The following RGS3 variants were observed in gnomAD, a reference collection of about 807,000 sequenced individuals.
RGS3 encodes regulator of G protein signaling 3, also known as regulator of G-protein signalling 3.
Under a neutral mutation model 132.6 loss-of-function variants are expected in RGS3, and 80 were observed. That is an observed-to-expected ratio of 0.60 (90% confidence interval 0.50 to 0.73). The LOEUF (loss-of-function observed/expected upper bound fraction) is 0.73, where lower values mean the gene tolerates loss of function less well. Among genes scored for constraint, RGS3 ranks in the 30% least tolerant of loss-of-function variants. The pLI is 0.00. For synonymous variants in RGS3, 598 were observed against 620.6 expected (o/e 0.96, Z 0.54); for missense variants, 1,382 against 1,530.8 (o/e 0.90, Z 1.62).
chr9:113,493,341 T>A (rs975415848), intron 7 of RGS3, among the ~76,000 whole-genome samples: 1 of 152,146 alleles, frequency 6.6e-6, no homozygotes, highest in Admixed American at 6.5e-5. Flanking sequence ...TAATAGAGCC[T>A]TGGATGATGA....
chr9:113,589,687 G>A (rs73538886), intron 20 of RGS3, among the ~76,000 whole-genome samples: 8,095 of 152,290 alleles, frequency 0.053, 719 homozygotes, highest in African/African-American at 0.19. Flanking sequence ...AGTGCAGCCT[G>A]TATGTGCACT....
At chr9:113,472,068 A>G (rs1455091281) in intron 3 of RGS3, among the ~76,000 whole-genome samples, 3 of 152,192 alleles carry the variant, frequency 2.0e-5, no homozygotes, top group Non-Finnish European at 4.4e-5. Context: ...CAAAACCACA[A>G]TGAGATACTA....
At chr9:113,486,316 C>T (rs1484896258) in intron 7 of RGS3, among the ~76,000 whole-genome samples, 1 of 152,198 alleles carries the variant, frequency 6.6e-6, no homozygotes, top group Non-Finnish European at 1.5e-5. Context: ...AATGGCATTC[C>T]AGGCAGGGCA....
intron 19 of RGS3, among the ~76,000 whole-genome samples, chr9:113,542,395 T>A (rs1285697714): frequency 6.6e-6 from 1 of 152,014 alleles, no homozygotes; most frequent in Admixed American, 6.6e-5. Context: ...GGAAGGGAGT[T>A]GCAAGTACAT....
chr9:113,569,709 G>T (rs940406646), intron 19 of RGS3, among the ~76,000 whole-genome samples: 1 of 149,614 alleles, frequency 6.7e-6, no homozygotes, highest in Non-Finnish European at 1.5e-5. Context: ...TAGTGGCATA[G>T]ATCTAAAAGG....
At chr9:113,453,751 A>G (rs1031759907) in intron 1 of RGS3, among the ~76,000 whole-genome samples, 2 of 139,386 alleles carry the variant, frequency 1.4e-5, no homozygotes, top group African/African-American at 2.6e-5. Flanking sequence ...TGATTATATA[A>G]TATACTCATT....
chr9:113,558,739 T>G (rs1357442595), intron 19 of RGS3, among the ~76,000 whole-genome samples: 1 of 152,242 alleles, frequency 6.6e-6, no homozygotes. Context: ...TGATTTATTA[T>G]GCAGGCTTGA....
chr9:113,535,346 T>C (rs1193203179), intron 18 of RGS3, among the ~76,000 whole-genome samples: 1 of 152,110 alleles, frequency 6.6e-6, no homozygotes, highest in Non-Finnish European at 1.5e-5. Context: ...CTAATTTTTG[T>C]ATTTTTAGTA....
intron 19 of RGS3, among the ~76,000 whole-genome samples, chr9:113,547,127 A>G (rs984876291): frequency 1.3e-5 from 2 of 152,156 alleles, no homozygotes; most frequent in Non-Finnish European, 2.9e-5. Context: ...CTGTCTTGAG[A>G]CACATAGGTG....
At chr9:113,554,662 T>A (rs1206845481) in intron 19 of RGS3, among the ~76,000 whole-genome samples, 2 of 152,246 alleles carry the variant, frequency 1.3e-5, no homozygotes, top group Admixed American at 1.3e-4. Flanking sequence ...AGTTCATTCA[T>A]GTCATTTGCC....
At chr9:113,557,204 G>A (rs1833603258) in intron 19 of RGS3, among the ~76,000 whole-genome samples, 1 of 152,218 alleles carries the variant, frequency 6.6e-6, no homozygotes, top group African/African-American at 2.4e-5. Flanking sequence ...GTAGCCTTCA[G>A]GCCTAGTTGG....
At chr9:113,553,459 A>AAAAAAAAAAAAAAT (rs1426114805) in intron 19 of RGS3, among the ~76,000 whole-genome samples, 69 of 58,684 alleles carry the variant, frequency 1.2e-3, no homozygotes, top group Non-Finnish European at 1.5e-3. Flanking sequence ...AAAAAAAAAA[A>AAAAAAAAAAAAAAT]ATATATATAT....
intron 3 of RGS3, among the ~76,000 whole-genome samples, chr9:113,469,139 C>T (rs944958881): frequency 3.3e-5 from 5 of 150,774 alleles, no homozygotes; most frequent in African/African-American, 4.9e-5. Context: ...CTTTAGAAGC[C>T]GTGGAGATAA....
At chr9:113,489,574 A>T (rs1274057915) in intron 7 of RGS3, among the ~76,000 whole-genome samples, 9 of 152,108 alleles carry the variant, frequency 5.9e-5, no homozygotes, top group Non-Finnish European at 8.8e-5. Flanking sequence ...CCCAGGCTAG[A>T]GTGCAGTGGT....
In RGS3 at chr9:113,541,235, A is replaced by G. The variant is rs558695340; in HGVS notation, c.2037+4317A>G. The stretch of plus-strand genomic sequence containing the variant: ...AGATGCCAGGGTGTGTGAGTGCCTT[A>G]GAAAGGAACAGAGGCAGGTCCTGCA... On this transcript the variant is annotated intron_variant, in intron 19 of 24. Transcript: ENST00000350696. 1.3e-4 allele frequency: 187 copies of G among 1,439,782 alleles called. 5 individuals carry two copies. In the South Asian group the frequency reaches 2.4e-3, roughly 18 times the overall value. 89.2% of individuals were successfully genotyped at this position (1,439,782 alleles called of 1,614,324 possible).
At chr9:113,594,200 G>T (rs757612769) in intron 21 of RGS3, 5 of 1,612,982 alleles carry the variant, frequency 3.1e-6, no homozygotes, top group Non-Finnish European at 3.4e-6. Flanking sequence ...TGCCCAGGAC[G>T]CGGGGTGGGG....
intron 3 of RGS3, among the ~76,000 whole-genome samples, chr9:113,465,890 C>T (rs1057400734): frequency 6.6e-6 from 1 of 152,182 alleles, no homozygotes; most frequent in African/African-American, 2.4e-5. Flanking sequence ...TGCACTGGCT[C>T]TGTTTCCCTG....
intron 7 of RGS3, among the ~76,000 whole-genome samples, chr9:113,494,673 G>T (rs368173204): frequency 3.9e-5 from 6 of 152,176 alleles, no homozygotes; most frequent in African/African-American, 1.4e-4. Flanking sequence ...TTTTTGTAGA[G>T]ATGGTGTCTC....
rs1426114805 is a variant in RGS3, at chr9:113,553,459, A to AAAAAAAAAAAAT, written c.2037+16542_2037+16543insAAAAAAAAAATA. On this transcript the variant is annotated intron_variant, in intron 19 of 24. Transcript: ENST00000350696. ...CTCTGTTTAAAAAAAAAAAAAAAAA[A>AAAAAAAAAAAAT]ATATATATATATATATATATATATA... is the stretch of plus-strand genomic sequence containing the variant. Among the ~76,000 whole-genome samples the AAAAAAAAAAAAT allele has an allele frequency of 2.7e-3, 159 of 58,684 alleles. 3 individuals carry two copies. Among genetic ancestry groups the AAAAAAAAAAAAT allele is most frequent in the Admixed American group, 5.8e-3 (21 of 3,642 alleles). The allele number at this position is 58,684 out of a possible 152,430, so 38.5% of individuals were successfully genotyped here. A position where few individuals can be genotyped will look rare whatever the true frequency, so the allele number is the denominator to read the frequency against.
Sources: gnomAD v4.1 joint callset for allele counts (sites outside exome capture counted in the v4.1 genomes callset) on GRCh38, gnomAD v4.1.1 for gene constraint, MANE v1.5 for transcripts, NCBI Gene and HGNC (gene_info 2026-07-23, HGNC 2026-07-21) for gene names.